The following SORCS2 variants were observed in gnomAD, a reference collection of about 807,000 sequenced individuals.
SORCS2 encodes the protein VPS10 domain-containing receptor SorCS2.
SORCS2 carries 100 observed loss-of-function variants against 141.6 expected under a neutral mutation model. That is an observed-to-expected ratio of 0.71 (90% confidence interval 0.60 to 0.83). The LOEUF (loss-of-function observed/expected upper bound fraction) is 0.83. SORCS2 is among the 40% of genes least tolerant of loss of function. SORCS2 has a pLI of 0.00. For missense variants in SORCS2, 1,646 were observed against 1,560.2 expected (o/e 1.05, Z -0.93); for synonymous variants, 789 against 676.9 (o/e 1.17, Z -2.57).
intron 1 of SORCS2, among the ~76,000 whole-genome samples, chr4:7,309,752 C>A (rs1718064867): frequency 6.6e-6 from 1 of 152,150 alleles, no homozygotes; most frequent in Non-Finnish European, 1.5e-5. Context: ...CGAGAGTTGG[C>A]CCAGCTGTGC....
rs756858187 is a variant in SORCS2 at position 7,726,916 on chromosome 4, T to C, written c.2869+13T>C. 5.0e-6 allele frequency: 8 copies of C among 1,609,200 alleles called. No individual in the cohort carries two copies. Among genetic ancestry groups the C allele is most frequent in the Admixed American group, 1.7e-5 (1 of 59,752 alleles). Reference sequence around the variant, plus strand: ...CTCCGTGTGCTGGGTAAGTACTTCCTGGGGTCTGGCAGCACGGCCTCTGCA... The same window carrying C: ...CTCCGTGTGCTGGGTAAGTACTTCCCGGGGTCTGGCAGCACGGCCTCTGCA... On this transcript the variant is annotated intron_variant, in intron 21 of 26. Transcript: ENST00000507866.
rs1293972691 is a variant in SORCS2 at position 7,485,713 on chromosome 4, A to G, written c.549-45817A>G. On this transcript the variant is annotated intron_variant, in intron 2 of 26. Coordinates refer to ENST00000507866, the MANE Select transcript of SORCS2 (RefSeq NM_020777.3). Reference sequence around the variant, plus strand: ...TGAGGCTCAGGCCTGGCACCCCTAGAAGGGCAGCTTCCCTGGGGGTGGCTA... The same window carrying G: ...TGAGGCTCAGGCCTGGCACCCCTAGGAGGGCAGCTTCCCTGGGGGTGGCTA... 4.6e-5 allele frequency among the ~76,000 whole-genome samples: 7 copies of G among 152,280 alleles called. No homozygotes were observed. In the East Asian group the frequency reaches 1.4e-3, roughly 29 times the overall value.
At chr4:7,427,838 C>T (rs1261886361) in intron 2 of SORCS2, among the ~76,000 whole-genome samples, 5 of 147,074 alleles carry the variant, frequency 3.4e-5, no homozygotes, top group Admixed American at 1.4e-4. Flanking sequence ...CGATCCCACA[C>T]CACCGCCCCC....
chr4:7,290,058 G>C (rs942696767), intron 1 of SORCS2, among the ~76,000 whole-genome samples: 1 of 152,206 alleles, frequency 6.6e-6, no homozygotes, highest in Non-Finnish European at 1.5e-5. Context: ...TGCTGCCTCT[G>C]AGTGGCTCTG....
chr4:7,474,609 C>T (rs1730178545), intron 2 of SORCS2, among the ~76,000 whole-genome samples: 1 of 152,154 alleles, frequency 6.6e-6, no homozygotes, highest in South Asian at 2.1e-4. Context: ...AGTTCGGAAG[C>T]CCAGTCCACA....
At chr4:7,296,809 T>C (rs1560172492) in intron 1 of SORCS2, among the ~76,000 whole-genome samples, 1 of 152,168 alleles carries the variant, frequency 6.6e-6, no homozygotes, top group Non-Finnish European at 1.5e-5. Flanking sequence ...CCAACACACA[T>C]ACACACACTG....
rs190167553 is a variant in SORCS2, at chr4:7,640,334, G to C, written c.813+1842G>C. ...TGTGGGTGTGTATGAGCATGTGTGG[G>C]TGTGTGAGAGTGTGAGAGCCTATGT... On this transcript the variant is annotated intron_variant, in intron 4 of 26. Coordinates refer to ENST00000507866, the MANE Select transcript of SORCS2 (RefSeq NM_020777.3). Among the ~76,000 whole-genome samples the C allele has an allele frequency of 2.2e-4, 34 of 151,286 alleles. No homozygotes were observed. In the East Asian group the frequency reaches 3.9e-3, roughly 17 times the overall value.
chr4:7,396,227 C>G, intron 1 of SORCS2, 61 bp from the exon 2 acceptor site: 2 of 1,535,054 alleles, frequency 1.3e-6, no homozygotes, highest in Non-Finnish European at 1.8e-6. Context: ...GTCACTGTAC[C>G]TCTCTTTGAG....
At chr4:7,626,644 T>C (rs1719532452) in intron 3 of SORCS2, among the ~76,000 whole-genome samples, 1 of 152,244 alleles carries the variant, frequency 6.6e-6, no homozygotes, top group African/African-American at 2.4e-5. Context: ...TATAAACACA[T>C]AAACACATCC....
At chr4:7,484,041 C>T (rs189177878) in intron 2 of SORCS2, among the ~76,000 whole-genome samples, 1 of 152,242 alleles carries the variant, frequency 6.6e-6, no homozygotes, top group African/African-American at 2.4e-5. Context: ...TTCTGACTTA[C>T]TTTCTTCGAG....
rs1727366099 is a variant in SORCS2 at position 7,728,366 on chromosome 4, G to A, written c.2886G>A (p.Met962Ile). 1 of 1,613,590 alleles carries A rather than the reference G, an allele frequency of 6.2e-7. No individual in the cohort carries two copies. Residue 962 changes from methionine to isoleucine, a missense_variant, in exon 22 of 27, where the codon ATG becomes ATA. Met to Ile is a conservative substitution (Grantham distance 10). Transcript: ENST00000507866. ...VLRVLDQFQV[M>I]PLQFSKELDA... ...TCTTTCCAGATCAATTTCAAGTCAT[G>A]CCTCTGCAGTTTTCCAAGGAGCTGG... is the stretch of plus-strand genomic sequence containing the variant.
At position 7,685,688 on chromosome 4, in the gene SORCS2, A is replaced by ATATATATATATATAT. The variant is rs1553904098; in HGVS notation, c.1488+2799_1488+2800insTATATATATATATAT. Among the ~76,000 whole-genome samples the ATATATATATATATAT allele has an allele frequency of 8.8e-3, 1,321 of 149,644 alleles. 22 individuals carry two copies. Among genetic ancestry groups the ATATATATATATATAT allele is most frequent in the African/African-American group, 0.031 (1,260 of 40,286 alleles). ...TCCACCTCAAAAATTAAAATAAATA[A>ATATATATATATATAT]ATATATATATATATGACAGCCGTAT... On this transcript the variant is annotated intron_variant, in intron 10 of 26. Coordinates refer to ENST00000507866, the MANE Select transcript of SORCS2 (RefSeq NM_020777.3).
chr4:7,235,859 C>T (rs551882641), intron 1 of SORCS2, among the ~76,000 whole-genome samples: 3 of 152,118 alleles, frequency 2.0e-5, no homozygotes, highest in East Asian at 1.9e-4. Flanking sequence ...TCGTGGCAGG[C>T]GATGTTGCTA....
chr4:7,461,889 C>T (rs746035675), intron 2 of SORCS2, among the ~76,000 whole-genome samples: 122 of 152,194 alleles, frequency 8.0e-4, no homozygotes, highest in Non-Finnish European at 1.4e-3. Context: ...CCAGGCACAC[C>T]TGGGAGGTGC....
At chr4:7,589,469 C>G (rs775376210) in intron 3 of SORCS2, among the ~76,000 whole-genome samples, 2 of 152,122 alleles carry the variant, frequency 1.3e-5, no homozygotes, top group Non-Finnish European at 2.9e-5. Context: ...GTGGCACGAT[C>G]TCGGCTCATT....
intron 2 of SORCS2, among the ~76,000 whole-genome samples, chr4:7,500,037 G>A (rs1303162476): frequency 6.6e-6 from 1 of 152,184 alleles, no homozygotes; most frequent in East Asian, 1.9e-4. Flanking sequence ...GCACCGTGGG[G>A]ACCCAGCTGC....
At chr4:7,536,669 C>T (rs1200709038) in intron 3 of SORCS2, among the ~76,000 whole-genome samples, 1 of 152,198 alleles carries the variant, frequency 6.6e-6, no homozygotes, top group African/African-American at 2.4e-5. Flanking sequence ...GGCTGGGACA[C>T]TTCTGGGAAA....
chr4:7,193,174 G>C lies in SORCS2; in HGVS notation c.480+48G>C. ...CCGCGGCCCCTACCCGGGACACCGC[G>C]GGACACCCGGGCGGGACCGCCACGG... On this transcript the variant is annotated intron_variant, in intron 1 of 26. Coordinates refer to ENST00000507866, the MANE Select transcript of SORCS2 (RefSeq NM_020777.3). This position sits in a 1 kb window ranked among gnomAD's most constrained non-coding sequence, Gnocchi z 4.8. 1.4e-6 allele frequency: 2 copies of C among 1,437,922 alleles called. No individual in the cohort carries two copies. Among genetic ancestry groups the C allele is most frequent in the South Asian group, 1.4e-5 (1 of 69,662 alleles). The allele number at this position is 1,437,922 out of a possible 1,614,324, so 89.1% of individuals were successfully genotyped here.
intron 19 of SORCS2, among the ~76,000 whole-genome samples, chr4:7,724,166 G>GT (rs1269599793): frequency 1.4e-5 from 2 of 147,358 alleles, no homozygotes; most frequent in Non-Finnish European, 3.0e-5. Context: ...GGTGGTGATG[G>GT]TGGTGATGGT....
Sources: gnomAD v4.1 joint callset for allele counts (sites outside exome capture counted in the v4.1 genomes callset) on GRCh38, gnomAD v4.1.1 for gene constraint, Gnocchi (gnomAD v3.1) non-coding constraint, MANE v1.5 for transcripts, NCBI Gene and HGNC (gene_info 2026-07-23, HGNC 2026-07-21) for gene names.